The following SORCS1 variants were observed in gnomAD, a reference collection of about 807,000 sequenced individuals.
SORCS1 encodes VPS10 domain-containing receptor SorCS1.
In SORCS1, 60 loss-of-function variants were observed where a neutral mutation model predicts 146.1. That is an observed-to-expected ratio of 0.41 (90% CI 0.33 to 0.51). SORCS1 has a LOEUF of 0.51. Ranked by LOEUF, SORCS1 falls within the 20% of genes least tolerant of loss-of-function variation. The pLI is 0.21. For missense variants in SORCS1, 1,352 were observed against 1,487.6 expected, an observed-to-expected ratio of 0.91 and a Z score of 1.50; for synonymous variants, 637 against 584.0, an observed-to-expected ratio of 1.09 and a Z score of -1.31.
At chr10:106,723,535 A>C (rs1855930410) in intron 6 of SORCS1, among the ~76,000 whole-genome samples, 1 of 152,218 alleles carries the variant, frequency 6.6e-6, no homozygotes, top group Admixed American at 6.5e-5. Flanking sequence ...AAAAATTTCC[A>C]GTAATACCTC....
At chr10:106,591,437 GA>G (rs1845599237) in intron 24 of SORCS1, among the ~76,000 whole-genome samples, 1 of 152,196 alleles carries the variant, frequency 6.6e-6, no homozygotes, top group Admixed American at 6.5e-5. Flanking sequence ...TATTTGATAA[GA>G]AGAAGCATGT....
intron 18 of SORCS1, among the ~76,000 whole-genome samples, chr10:106,644,609 C>T (rs1296175205): frequency 6.6e-6 from 1 of 152,140 alleles, no homozygotes; most frequent in Non-Finnish European, 1.5e-5. Flanking sequence ...TTGTGTTCTG[C>T]CCGCCTTGGC....
intron 3 of SORCS1, among the ~76,000 whole-genome samples, chr10:106,811,327 T>C (rs1947447777): frequency 6.6e-6 from 1 of 152,166 alleles, no homozygotes; most frequent in Non-Finnish European, 1.5e-5. Context: ...CCAAGAGCCT[T>C]TTCATAAAGA....
chr10:107,098,512 G>T (rs891823069), intron 1 of SORCS1, among the ~76,000 whole-genome samples: 3 of 152,188 alleles, frequency 2.0e-5, no homozygotes, highest in Non-Finnish European at 4.4e-5. Context: ...AAGATCTGGT[G>T]AGTGCATATG....
chr10:106,842,174 C>A (rs76301653), intron 2 of SORCS1, among the ~76,000 whole-genome samples: 4 of 151,974 alleles, frequency 2.6e-5, no homozygotes, highest in Admixed American at 1.3e-4. Context: ...TAAAGACATA[C>A]GAGGTTTAAC....
At chr10:106,603,711 GC>G (rs1846391765) in intron 23 of SORCS1, among the ~76,000 whole-genome samples, 2 of 152,148 alleles carry the variant, frequency 1.3e-5, no homozygotes, top group South Asian at 2.1e-4. Context: ...TTAGAGTACA[GC>G]CTTCAAAGGA....
intron 1 of SORCS1, among the ~76,000 whole-genome samples, chr10:107,031,542 A>G (rs971813580): frequency 3.3e-5 from 5 of 152,196 alleles, no homozygotes; most frequent in African/African-American, 1.2e-4. Flanking sequence ...ACGTTAGTAG[A>G]AAAGAAAAAC....
intron 1 of SORCS1, among the ~76,000 whole-genome samples, chr10:107,057,283 A>G (rs1004729569): frequency 6.6e-6 from 1 of 152,242 alleles, no homozygotes; most frequent in Non-Finnish European, 1.5e-5. Flanking sequence ...AGGGGCCATC[A>G]TTATAAATTC....
At chr10:106,924,469 CT>C (rs1194371791) in intron 2 of SORCS1, among the ~76,000 whole-genome samples, 1 of 78,284 alleles carries the variant, frequency 1.3e-5, no homozygotes, top group Non-Finnish European at 2.7e-5. Flanking sequence ...AGTTATCGAT[CT>C]ATCTATCTAT....
intron 24 of SORCS1, among the ~76,000 whole-genome samples, chr10:106,584,108 A>G (rs913443908): frequency 6.6e-6 from 1 of 152,188 alleles, no homozygotes; most frequent in Non-Finnish European, 1.5e-5. Context: ...CTTGAGTTAT[A>G]TGCTTTGAAT....
At chr10:107,165,003 C>T (rs1970002849), upstream of SORCS1, among the ~76,000 whole-genome samples, 1 of 151,402 alleles carries the variant, frequency 6.6e-6, no homozygotes, top group South Asian at 2.1e-4. The surrounding 1 kb of genome is among the most constrained non-coding windows in gnomAD (Gnocchi z 4.0). Flanking sequence ...GCACCCTGCC[C>T]GCGGGGGCGG....
At chr10:106,864,180 A>C (rs1482867552) in intron 2 of SORCS1, among the ~76,000 whole-genome samples, 1 of 152,226 alleles carries the variant, frequency 6.6e-6, no homozygotes, top group East Asian at 1.9e-4. Context: ...GTGAGTAAAT[A>C]CATATTCAAC....
At chr10:106,906,600 A>G (rs1031485189) in intron 2 of SORCS1, among the ~76,000 whole-genome samples, 29 of 152,248 alleles carry the variant, frequency 1.9e-4, no homozygotes, top group African/African-American at 5.8e-4. Flanking sequence ...CCAGAATAGC[A>G]CAGGAAAGAC....
intron 1 of SORCS1, among the ~76,000 whole-genome samples, chr10:107,016,650 T>A (rs547410050): frequency 9.8e-5 from 15 of 152,356 alleles, no homozygotes; most frequent in African/African-American, 2.9e-4. Context: ...ACTTAAGCAC[T>A]AACCATAAAA....
At chr10:106,993,184 G>A (rs947559739) in intron 1 of SORCS1, among the ~76,000 whole-genome samples, 2 of 151,546 alleles carry the variant, frequency 1.3e-5, no homozygotes, top group Non-Finnish European at 2.9e-5. Context: ...ACTGTATCTC[G>A]AGTCAACATT....
At chr10:106,696,500 G>T (rs1426733395) in intron 9 of SORCS1, among the ~76,000 whole-genome samples, 2 of 152,128 alleles carry the variant, frequency 1.3e-5, no homozygotes, top group Non-Finnish European at 2.9e-5. Context: ...GAACTGTCAG[G>T]CTAATAAAAC....
chr10:107,038,446 C>T (rs765539668), intron 1 of SORCS1, among the ~76,000 whole-genome samples: 24 of 151,378 alleles, frequency 1.6e-4, no homozygotes, highest in Non-Finnish European at 2.8e-4. Flanking sequence ...TGCTAAATGA[C>T]GAGTTAATGG....
rs1958435366 is a variant in SORCS1, at chr10:107,027,024, A to G, written c.559-70444T>C. Among the ~76,000 whole-genome samples, 3 of 120,890 alleles carry G rather than the reference A, an allele frequency of 2.5e-5. No homozygotes were observed. In the South Asian group the frequency reaches 7.5e-4, roughly 30 times the overall value. 79.3% of individuals were successfully genotyped at this position (120,890 alleles called of 152,430 possible). A position where few individuals can be genotyped will look rare whatever the true frequency, so the allele number is the denominator to read the frequency against. On this transcript the variant is annotated intron_variant, in intron 1 of 25. Coordinates refer to ENST00000263054, the MANE Select transcript of SORCS1 (RefSeq NM_052918.5). Reference sequence around the variant, plus strand: ...TTGACTATCAGGGGTATATGTGTATATATATATATAAAAATATATATATAA... The same window carrying G: ...TTGACTATCAGGGGTATATGTGTATGTATATATATAAAAATATATATATAA...
At chr10:107,084,225 A>T (rs1352232075) in intron 1 of SORCS1, among the ~76,000 whole-genome samples, 1 of 145,340 alleles carries the variant, frequency 6.9e-6, no homozygotes, top group Non-Finnish European at 1.5e-5. Flanking sequence ...CCTCCCAAGT[A>T]TCTGGGACTA....
Sources: allele counts gnomAD v4.1 joint callset (sites outside exome capture counted in the v4.1 genomes callset), GRCh38; gene constraint gnomAD v4.1.1; non-coding constraint Gnocchi (gnomAD v3.1); transcripts MANE v1.5; gene names NCBI Gene and HGNC (gene_info 2026-07-23, HGNC 2026-07-21).